The following HDAC9 variants were observed in gnomAD, a reference collection of about 807,000 sequenced individuals.
The protein encoded by HDAC9 is MEF-2 interacting transcription repressor (MITR) protein.
Under a neutral mutation model 139.4 loss-of-function variants are expected in HDAC9, and 41 were observed. The ratio of observed to expected loss-of-function variants is 0.29; its 90% CI spans 0.23 to 0.38. The LOEUF is 0.38. Ranked by LOEUF, HDAC9 falls within the 10% of genes least tolerant of loss-of-function variation. The pLI is 1.00. For missense variants in HDAC9, 1,147 were observed against 1,297.0 expected (o/e 0.88, Z 1.78); for synonymous variants, 517 against 476.2 (o/e 1.09, Z -1.12).
chr7:18,807,015 G>A (rs1793765780), intron 17 of HDAC9, among the ~76,000 whole-genome samples: 1 of 152,112 alleles, frequency 6.6e-6, no homozygotes, highest in South Asian at 2.1e-4. Flanking sequence ...TTTTGAAAGG[G>A]TTTGAGAAGT....
At chr7:18,539,639 A>G (rs1183621757) in intron 2 of HDAC9, among the ~76,000 whole-genome samples, 1 of 152,188 alleles carries the variant, frequency 6.6e-6, no homozygotes, top group Admixed American at 6.5e-5. Context: ...AACTTTTCTG[A>G]AAATCTGAAA....
chr7:18,850,672 C>T (rs543406730), intron 21 of HDAC9, among the ~76,000 whole-genome samples: 1 of 152,232 alleles, frequency 6.6e-6, no homozygotes, highest in Admixed American at 6.5e-5. Context: ...AATGGGAAAC[C>T]GAGTGCATTC....
chr7:18,843,785 T>C (rs1284042289), intron 21 of HDAC9, among the ~76,000 whole-genome samples: 1 of 152,188 alleles, frequency 6.6e-6, no homozygotes, highest in African/African-American at 2.4e-5. Flanking sequence ...TTTGTTTTAA[T>C]ATACTGTAAA....
chr7:18,698,236 AAAG>A (rs1783199634), intron 12 of HDAC9, among the ~76,000 whole-genome samples: 1 of 152,174 alleles, frequency 6.6e-6, no homozygotes, highest in South Asian at 2.1e-4. Flanking sequence ...TTTCAAGTTG[AAAG>A]GACCGTTCTA....
At chr7:18,838,319 C>T (rs1796369711) in intron 21 of HDAC9, among the ~76,000 whole-genome samples, 1 of 151,988 alleles carries the variant, frequency 6.6e-6, no homozygotes, top group Admixed American at 6.6e-5. Context: ...TTAACTTGTC[C>T]TCAATGGTTT....
intron 1 of HDAC9, among the ~76,000 whole-genome samples, chr7:18,376,809 G>T (rs1785025833): frequency 6.6e-6 from 1 of 152,086 alleles, no homozygotes; most frequent in African/African-American, 2.4e-5. Context: ...AAAACCATCA[G>T]TGTCTTCATC....
chr7:18,750,620 G>A (rs940219296), intron 14 of HDAC9, among the ~76,000 whole-genome samples: 2 of 152,038 alleles, frequency 1.3e-5, no homozygotes, highest in African/African-American at 4.8e-5. Context: ...TTGTATGGCA[G>A]AAGGCTTTCA....
intron 23 of HDAC9, among the ~76,000 whole-genome samples, chr7:18,952,233 T>C (rs1357246339): frequency 1.3e-5 from 2 of 151,934 alleles, no homozygotes; most frequent in Admixed American, 1.3e-4. Flanking sequence ...AGATTCTAAA[T>C]TGGGGGTTTA....
intron 1 of HDAC9, among the ~76,000 whole-genome samples, chr7:18,445,338 AT>A (rs1177152653): frequency 6.6e-6 from 1 of 152,080 alleles, no homozygotes; most frequent in Non-Finnish European, 1.5e-5. Context: ...ACTATAGGCT[AT>A]TTTTCAATGA....
At chr7:18,311,746 G>T (rs1442083816) in intron 1 of HDAC9, among the ~76,000 whole-genome samples, 4 of 152,180 alleles carry the variant, frequency 2.6e-5, no homozygotes, top group African/African-American at 9.7e-5. Context: ...CAAATATGGG[G>T]ACAATATAGT....
At chr7:18,651,586 A>C (rs1262821008) in intron 11 of HDAC9, among the ~76,000 whole-genome samples, 2 of 151,836 alleles carry the variant, frequency 1.3e-5, no homozygotes, top group African/African-American at 4.8e-5. Context: ...ATATAGTTTT[A>C]GGGGCATGGG....
chr7:18,755,815 C>T (rs950036984), intron 14 of HDAC9, among the ~76,000 whole-genome samples: 1 of 152,050 alleles, frequency 6.6e-6, no homozygotes, highest in Middle Eastern at 3.2e-3. Flanking sequence ...TCCTAAAATA[C>T]TTTAAAATAA....
At chr7:18,291,088 T>A (rs1797777684) in intron 1 of HDAC9, among the ~76,000 whole-genome samples, 1 of 152,150 alleles carries the variant, frequency 6.6e-6, no homozygotes, top group Admixed American at 6.6e-5. Flanking sequence ...TGTGGTACAC[T>A]CCCTCCTTCA....
At chr7:18,406,375 T>C (rs1788003077) in intron 1 of HDAC9, among the ~76,000 whole-genome samples, 2 of 151,902 alleles carry the variant, frequency 1.3e-5, no homozygotes, top group South Asian at 4.1e-4. Flanking sequence ...TTTCCCTTTT[T>C]TTCTTTTTCT....
intron 19 of HDAC9, among the ~76,000 whole-genome samples, chr7:18,830,415 G>C (rs1022282114): frequency 1.3e-5 from 2 of 152,170 alleles, no homozygotes; most frequent in African/African-American, 4.8e-5. Flanking sequence ...ATTTTTGCAG[G>C]TGATAAAAGA....
chr7:18,935,212 A>G (rs1228458917), intron 22 of HDAC9, among the ~76,000 whole-genome samples: 1 of 152,200 alleles, frequency 6.6e-6, no homozygotes, highest in Non-Finnish European at 1.5e-5. Flanking sequence ...GTTGGAAGGT[A>G]AAAAAGCAGA....
chr7:18,133,932 GCA>G (rs112343375), intron 1 of HDAC9, among the ~76,000 whole-genome samples: 13,149 of 145,350 alleles, frequency 0.09, 785 homozygotes, highest in Middle Eastern at 0.15. Flanking sequence ...ATACACGCGT[GCA>G]CACACACACA....
intron 2 of HDAC9, among the ~76,000 whole-genome samples, chr7:18,548,253 G>T (rs1385972746): frequency 6.6e-6 from 1 of 152,022 alleles, no homozygotes; most frequent in African/African-American, 2.4e-5. Flanking sequence ...GGTGTGGTTC[G>T]TGGTGCTCCA....
upstream of HDAC9, among the ~76,000 whole-genome samples, chr7:18,494,080 A>G (rs1166077837): frequency 6.6e-6 from 1 of 152,084 alleles, no homozygotes; most frequent in Non-Finnish European, 1.5e-5. Context: ...TTTATTTGTA[A>G]TATCAGATGG....
Sources: allele counts gnomAD v4.1 joint callset (sites outside exome capture counted in the v4.1 genomes callset), GRCh38; gene constraint gnomAD v4.1.1; transcripts MANE v1.5; gene names NCBI Gene and HGNC (gene_info 2026-07-23, HGNC 2026-07-21).